The following ANKFN1 variants were observed in gnomAD, a reference collection of about 807,000 sequenced individuals.
ANKFN1 encodes the protein ankyrin repeat and fibronectin type III domain containing 1.
In ANKFN1, 74 loss-of-function variants were observed where a neutral mutation model predicts 108.7. That is an observed-to-expected ratio of 0.68 (90% CI 0.56 to 0.83). The LOEUF (loss-of-function observed/expected upper bound fraction) is 0.83. Ranked by LOEUF, ANKFN1 falls within the 40% of genes least tolerant of loss-of-function variation. The pLI, the probability that ANKFN1 is intolerant of heterozygous loss-of-function variation, is 0.00. For missense variants in ANKFN1, 1,505 were observed against 1,382.3 expected, an observed-to-expected ratio of 1.09 and a Z score of -1.41; for synonymous variants, 547 against 516.2, an observed-to-expected ratio of 1.06 and a Z score of -0.81.
At chr17:56,420,777 G>A (rs957566412) in intron 8 of ANKFN1, among the ~76,000 whole-genome samples, 30 of 149,354 alleles carry the variant, frequency 2.0e-4, no homozygotes, top group African/African-American at 7.2e-4. Flanking sequence ...GCGCGATCTC[G>A]GCTCACTGCA....
Position 56,356,173 on chromosome 17 carries a change from A to G in ANKFN1, c.601+2127A>G, listed in dbSNP as rs144211269. Among the ~76,000 whole-genome samples, 5 of 152,256 alleles carry G rather than the reference A, an allele frequency of 3.3e-5. No individual in the cohort carries two copies. In the East Asian group the frequency reaches 9.7e-4, roughly 29 times the overall value. ...AGGAGTGGGTGGGATAATATCATGC[A>G]GCACTCACCCTGTGCCAGGCACTTT... On this transcript the variant is annotated intron_variant, in intron 6 of 20. Transcript: ENST00000682825.
At chr17:56,058,626 G>A (rs533867233) in intron 4 of ANKFN1, among the ~76,000 whole-genome samples, 2,414 of 53,818 alleles carry the variant, frequency 0.045, 42 homozygotes, top group African/African-American at 0.17. Context: ...GTGTTGTTCC[G>A]CTCCGTGTCC....
intron 3 of ANKFN1, among the ~76,000 whole-genome samples, chr17:56,261,320 A>G (rs1011291284): frequency 6.6e-6 from 1 of 152,268 alleles, no homozygotes; most frequent in African/African-American, 2.4e-5. Flanking sequence ...CATTTGAGTT[A>G]ACAGAAAGAA....
At chr17:56,331,710 G>A (rs2045668647) in intron 4 of ANKFN1, among the ~76,000 whole-genome samples, 1 of 152,152 alleles carries the variant, frequency 6.6e-6, no homozygotes, top group Non-Finnish European at 1.5e-5. Context: ...CTGGGCCTCA[G>A]TAAAATGAGA....
intron 4 of ANKFN1, among the ~76,000 whole-genome samples, chr17:56,146,217 C>A (rs1235372958): frequency 1.3e-5 from 2 of 152,196 alleles, no homozygotes; most frequent in Admixed American, 6.5e-5. Context: ...TACCCTGTGG[C>A]TTTGCAGGGT....
At chr17:56,060,808 G>A (rs2143107323) in intron 4 of ANKFN1, among the ~76,000 whole-genome samples, 1 of 152,294 alleles carries the variant, frequency 6.6e-6, no homozygotes, top group Non-Finnish European at 1.5e-5. Flanking sequence ...ATATTTCTTT[G>A]ATGTGCTACT....
intron 4 of ANKFN1, among the ~76,000 whole-genome samples, chr17:56,112,525 G>A (rs1302058746): frequency 6.6e-6 from 1 of 151,912 alleles, no homozygotes; most frequent in Non-Finnish European, 1.5e-5. Flanking sequence ...ATGTATCCAA[G>A]CCAAATCTAT....
chr17:56,258,682 G>A (rs1290561951), intron 3 of ANKFN1, among the ~76,000 whole-genome samples: 12 of 152,220 alleles, frequency 7.9e-5, no homozygotes, highest in African/African-American at 1.7e-4. Flanking sequence ...AGGCCGAGGC[G>A]GGCGGATCAC....
chr17:56,491,644 G>A (rs961775598), intron 18 of ANKFN1, among the ~76,000 whole-genome samples: 1 of 152,206 alleles, frequency 6.6e-6, no homozygotes, highest in African/African-American at 2.4e-5. Context: ...CGGAGAGGCA[G>A]AAGAGGATCA....
chr17:56,244,614 G>A (rs1344686905), intron 3 of ANKFN1, among the ~76,000 whole-genome samples: 2 of 152,110 alleles, frequency 1.3e-5, no homozygotes, highest in African/African-American at 4.8e-5. Flanking sequence ...ACTATATGCT[G>A]AGTCATTTCA....
intron 8 of ANKFN1, among the ~76,000 whole-genome samples, chr17:56,435,425 T>C (rs1443717996): frequency 6.6e-6 from 1 of 152,046 alleles, no homozygotes; most frequent in East Asian, 1.9e-4. Flanking sequence ...TAAGGGAAAA[T>C]TGGCAAGGAT....
chr17:56,072,809 A>G (rs1905135530), intron 4 of ANKFN1, among the ~76,000 whole-genome samples: 1 of 152,188 alleles, frequency 6.6e-6, no homozygotes, highest in Non-Finnish European at 1.5e-5. Context: ...GGTGAAGTGC[A>G]GATGAGGAGA....
Position 56,132,663 on chromosome 17 carries a change from A to G in ANKFN1, c.288+86338A>G, listed in dbSNP as rs145662926. On this transcript the variant is annotated intron_variant, in intron 4 of 12. Transcript: ENST00000635860. ...TAAGTAACATAAATTTATTTTCCAC[A>G]GTTCTGGAGACTAAGAAGTCCAAGA... Among the ~76,000 whole-genome samples, 753 of 152,288 alleles carry G rather than the reference A, an allele frequency of 4.9e-3. 3 individuals are homozygous for G. Among genetic ancestry groups the G allele is most frequent in the African/African-American group, 0.014 (586 of 41,558 alleles).
At chr17:56,373,469 C>T (rs982141420) in intron 7 of ANKFN1, among the ~76,000 whole-genome samples, 1 of 152,156 alleles carries the variant, frequency 6.6e-6, no homozygotes, top group African/African-American at 2.4e-5. Context: ...ATATAAAATT[C>T]AAACACTTGT....
chr17:56,232,754 C>T (rs1360407624), intron 3 of ANKFN1, among the ~76,000 whole-genome samples: 1 of 152,086 alleles, frequency 6.6e-6, no homozygotes, highest in African/African-American at 2.4e-5. Flanking sequence ...TAAATGCTTA[C>T]ATTAACTCAA....
At chr17:56,068,133 C>A (rs949597198) in intron 4 of ANKFN1, among the ~76,000 whole-genome samples, 1 of 152,128 alleles carries the variant, frequency 6.6e-6, no homozygotes, top group Admixed American at 6.5e-5. Context: ...GACCCCATCC[C>A]ACCTGTATGC....
chr17:56,289,757 A>G (rs1044865229), intron 3 of ANKFN1, among the ~76,000 whole-genome samples: 5 of 152,210 alleles, frequency 3.3e-5, no homozygotes, highest in African/African-American at 1.2e-4. Flanking sequence ...TCTTCACTCA[A>G]TAGCAATGGG....
At chr17:56,461,826 C>G (rs1429131268) in intron 14 of ANKFN1, among the ~76,000 whole-genome samples, 1 of 152,168 alleles carries the variant, frequency 6.6e-6, no homozygotes, top group Non-Finnish European at 1.5e-5. Context: ...TCTGTCAATC[C>G]AAACCCATGT....
intron 3 of ANKFN1, among the ~76,000 whole-genome samples, chr17:56,297,291 G>T (rs912957137): frequency 1.3e-5 from 2 of 152,130 alleles, no homozygotes; most frequent in African/African-American, 2.4e-5. Context: ...AGCCTGCAGG[G>T]GCTGGCAGTC....
Sources: gnomAD v4.1 joint callset for allele counts (sites outside exome capture counted in the v4.1 genomes callset) on GRCh38, gnomAD v4.1.1 for gene constraint, MANE v1.5 for transcripts, NCBI Gene and HGNC (gene_info 2026-07-23, HGNC 2026-07-21) for gene names.